Variants in ASH1L observed in about 807,000 individuals in gnomAD.
ASH1L encodes histone-lysine N-methyltransferase ASH1L.
ASH1L carries 23 observed loss-of-function variants against 269.0 expected under a neutral mutation model. That is an observed-to-expected ratio of 0.09 (90% CI 0.06 to 0.12). ASH1L has a LOEUF of 0.12. Among genes scored for constraint, ASH1L ranks in the 10% least tolerant of loss-of-function variants. ASH1L has a pLI of 1.00. For synonymous variants in ASH1L, 1,187 were observed against 1,253.5 expected, an observed-to-expected ratio of 0.95 and a Z score of 1.12; for missense variants, 2,912 against 3,567.8, an observed-to-expected ratio of 0.82 and a Z score of 4.68.
chr1:155,548,887 T>G (rs1006196019), intron 1 of ASH1L, among the ~76,000 whole-genome samples: 4 of 152,154 alleles, frequency 2.6e-5, no homozygotes, highest in African/African-American at 9.7e-5. Flanking sequence ...CTTTAAACAC[T>G]TAGTAGAAAT....
intron 20 of ASH1L, among the ~76,000 whole-genome samples, chr1:155,346,749 C>T (rs1653371409): frequency 6.6e-6 from 1 of 152,210 alleles, no homozygotes; most frequent in South Asian, 2.1e-4. Flanking sequence ...GACTACTGAA[C>T]TATTACTAAG....
intron 5 of ASH1L, among the ~76,000 whole-genome samples, chr1:155,435,276 T>C (rs921864513): frequency 3.3e-5 from 5 of 152,206 alleles, no homozygotes; most frequent in Non-Finnish European, 7.3e-5. Flanking sequence ...TCATAGCTAA[T>C]ATTCAGTATT....
chr1:155,509,061 A>G (rs956105350), intron 2 of ASH1L, among the ~76,000 whole-genome samples: 2 of 148,338 alleles, frequency 1.3e-5, no homozygotes, highest in South Asian at 2.1e-4. Context: ...CACATTCTAG[A>G]AAAAAAAAAT....
rs1665858716 is a variant in ASH1L at position 155,480,259 on chromosome 1, C to G, written c.2611G>C (p.Glu871Gln). Residue 871 changes from glutamate to glutamine, a missense_variant, in exon 3 of 28, where the codon GAA becomes CAA. Coordinates refer to ENST00000392403, the MANE Select transcript of ASH1L (RefSeq NM_018489.3). The part of the protein sequence containing the change: ...EEQEPPILQP[E>Q]IEIPSFKQGL... ...TGTTTGAAGGAAGGGATTTCAATTT[C>G]TGGCTGTAAAATTGGGGGTTCTTGT... 7.4e-6 allele frequency: 12 copies of G among 1,614,038 alleles called. No homozygotes were observed. The highest frequency in any genetic ancestry group is 1.0e-5 in the Non-Finnish European group (12 of 1,180,016).
intron 1 of ASH1L, among the ~76,000 whole-genome samples, chr1:155,546,795 G>C (rs770659327): frequency 6.6e-6 from 1 of 151,516 alleles, no homozygotes; most frequent in Non-Finnish European, 1.5e-5. Flanking sequence ...GGTAAACAAC[G>C]CAACTGTCAT....
intron 3 of ASH1L, among the ~76,000 whole-genome samples, chr1:155,464,226 A>G (rs114909331): frequency 2.6e-5 from 4 of 152,330 alleles, no homozygotes; most frequent in African/African-American, 9.6e-5. Flanking sequence ...CACAAAGGAC[A>G]AGAGGTTTAT....
rs148659228 is a variant in ASH1L at position 155,386,366 on chromosome 1, C to T, written c.6104-6250G>A. Among the ~76,000 whole-genome samples the T allele has an allele frequency of 3.8e-3, 571 of 151,612 alleles. 5 individuals are homozygous for T. The highest frequency in any genetic ancestry group is 0.013 in the African/African-American group (547 of 41,302). ...TACAGATGTGAGCCACTGCGCCTGG[C>T]CAAGAGTCTTTAAAAAAATTTTATT... On this transcript the variant is annotated intron_variant, in intron 7 of 27. Transcript: ENST00000392403.
At chr1:155,470,504 A>G (rs1293790679) in intron 3 of ASH1L, among the ~76,000 whole-genome samples, 1 of 151,706 alleles carries the variant, frequency 6.6e-6, no homozygotes, top group Non-Finnish European at 1.5e-5. Context: ...GTCAATAACT[A>G]TTCATATACA....
chr1:155,360,071 T>C (rs1402473547), intron 13 of ASH1L, among the ~76,000 whole-genome samples: 1 of 152,018 alleles, frequency 6.6e-6, no homozygotes, highest in Non-Finnish European at 1.5e-5. Context: ...TTTGTATTTT[T>C]GATAGACAGG....
At chr1:155,436,485 C>G (rs1050947574) in intron 5 of ASH1L, among the ~76,000 whole-genome samples, 2 of 129,056 alleles carry the variant, frequency 1.5e-5, no homozygotes, top group Admixed American at 8.5e-5. Flanking sequence ...AGCCACCATG[C>G]GTGGACTTTT....
intron 4 of ASH1L, among the ~76,000 whole-genome samples, chr1:155,453,230 C>T (rs1409438237): frequency 6.6e-6 from 1 of 152,068 alleles, no homozygotes; most frequent in East Asian, 1.9e-4. Flanking sequence ...TAGCACACAC[C>T]TATAGTCCCA....
chr1:155,498,139 A>G (rs577689280), intron 2 of ASH1L, among the ~76,000 whole-genome samples: 2 of 152,280 alleles, frequency 1.3e-5, no homozygotes, highest in African/African-American at 2.4e-5. Context: ...GCAGACAAAT[A>G]TTGCATGATT....
chr1:155,433,800 G>A, intron 5 of ASH1L: 1 of 1,606,676 alleles, frequency 6.2e-7, no homozygotes, highest in Non-Finnish European at 8.5e-7. Context: ...CTGCAGAAGT[G>A]GGTGGAGGAA....
intron 4 of ASH1L, among the ~76,000 whole-genome samples, chr1:155,458,428 T>A (rs1664023330): frequency 6.6e-6 from 1 of 152,146 alleles, no homozygotes; most frequent in African/African-American, 2.4e-5. Context: ...TAAAAAACCA[T>A]CTTTGGCTGG....
Position 155,480,516 on chromosome 1 carries a change from G to C in ASH1L, c.2354C>G (p.Ser785Cys). The change falls in exon 3 of 28, where the codon TCC becomes TGC. Residue 785 changes from serine (S) to cysteine (C), a missense_variant. Ser to Cys is a moderately radical substitution (Grantham distance 112). Transcript: ENST00000392403. ...TAAGAGAGCAAGAGATGGAGCTGTG[G>C]ATTTGCTCAACTTTGGCAATCGGCG... The part of the protein sequence containing the change: ...LKRRLPKLSK[S>C]TAPSLALLAD... The C allele has an allele frequency of 6.2e-7, 1 of 1,614,098 alleles. No homozygotes were observed. Among genetic ancestry groups the C allele is most frequent in the Non-Finnish European group, 8.5e-7 (1 of 1,179,972 alleles).
intron 6 of ASH1L, among the ~76,000 whole-genome samples, chr1:155,411,216 T>C (rs1018370911): frequency 6.6e-6 from 1 of 152,106 alleles, no homozygotes; most frequent in Non-Finnish European, 1.5e-5. Context: ...AACAACAAAA[T>C]AGCCAGCCCA....
chr1:155,407,156 G>T (rs1659365586), intron 6 of ASH1L, among the ~76,000 whole-genome samples: 2 of 152,126 alleles, frequency 1.3e-5, no homozygotes, highest in Admixed American at 1.3e-4. Context: ...CCGGGAGGCA[G>T]AGGTTGCAGT....
chr1:155,511,944 G>A (rs1480992933), intron 2 of ASH1L, among the ~76,000 whole-genome samples: 1 of 151,930 alleles, frequency 6.6e-6, no homozygotes, highest in East Asian at 1.9e-4. Context: ...CCAAGTAGCT[G>A]GGATTACAGG....
At chr1:155,390,682 G>A (rs1657850847) in intron 7 of ASH1L, among the ~76,000 whole-genome samples, 1 of 131,236 alleles carries the variant, frequency 7.6e-6, no homozygotes, top group African/African-American at 3.0e-5. Context: ...GTCTCGCTCT[G>A]TCACCCAGGC....
Sources: gnomAD v4.1 joint callset for allele counts (sites outside exome capture counted in the v4.1 genomes callset) on GRCh38, gnomAD v4.1.1 for gene constraint, MANE v1.5 for transcripts, NCBI Gene and HGNC (gene_info 2026-07-23, HGNC 2026-07-21) for gene names.